Variants in PGR observed in about 807,000 individuals in gnomAD.
PGR encodes nuclear receptor subfamily 3 group C member 3.
Under a neutral mutation model 76.1 loss-of-function variants are expected in PGR, and 25 were observed. The ratio of observed to expected loss-of-function variants is 0.33; its 90% CI spans 0.24 to 0.46. The LOEUF is 0.46. PGR is among the 20% of genes least tolerant of loss of function. The pLI is 1.00. For missense variants in PGR, 1,172 were observed against 1,225.3 expected (o/e 0.96, Z 0.65); for synonymous variants, 579 against 535.0 (o/e 1.08, Z -1.14).
chr11:101,060,973 T>C (rs1012792321), intron 4 of PGR, among the ~76,000 whole-genome samples: 4 of 152,192 alleles, frequency 2.6e-5, no homozygotes, highest in African/African-American at 9.7e-5. Flanking sequence ...GTATAACTGG[T>C]TATTTTCTAA....
intron 5 of PGR, among the ~76,000 whole-genome samples, chr11:101,050,445 TG>T (rs1356499477): frequency 5.9e-5 from 9 of 152,232 alleles, no homozygotes; most frequent in East Asian, 5.8e-4. Flanking sequence ...TTATTTTCTA[TG>T]AAAAATTATA....
chr11:101,073,920 C>T (rs992525788), intron 3 of PGR, among the ~76,000 whole-genome samples: 2 of 152,106 alleles, frequency 1.3e-5, no homozygotes, highest in African/African-American at 4.8e-5. Flanking sequence ...GAGCTGGCAC[C>T]ATTCTTTCTA....
chr11:101,127,698 A>T lies in PGR; in HGVS notation c.1373T>A (p.Leu458Gln). Reference sequence around the variant, plus strand: ...CTCCGCTTTGTACAGGATGCACTCCAGGGTCGACCCCGAGGAGGACGCAGA... The same window carrying T: ...CTCCGCTTTGTACAGGATGCACTCCTGGGTCGACCCCGAGGAGGACGCAGA... ...VSSASSSGST[L>Q]ECILYKAEGA... Residue 458 changes from leucine (L) to glutamine (Q), a missense_variant, in exon 1 of 8, where the codon CTG becomes CAG. Physicochemically the swap from Leu to Gln is moderately radical, Grantham distance 113. Around this residue, in one of 4 missense-constraint regions of PGR, gnomAD observed 893 missense variants for 785.9 expected, o/e 1.14. Coordinates refer to ENST00000325455, the MANE Select transcript of PGR (RefSeq NM_000926.4). 6.3e-7 allele frequency: 1 copy of T among 1,582,904 alleles called. No individual in the cohort carries two copies.
At chr11:101,075,965 T>C (rs551850658) in intron 3 of PGR, among the ~76,000 whole-genome samples, 33 of 152,326 alleles carry the variant, frequency 2.2e-4, no homozygotes, top group African/African-American at 7.9e-4. Context: ...ATCCCGTTAC[T>C]GGGTATGTAC....
chr11:101,068,002 G>A (rs1473945629), intron 3 of PGR, among the ~76,000 whole-genome samples: 3 of 152,094 alleles, frequency 2.0e-5, no homozygotes, highest in Non-Finnish European at 2.9e-5. Context: ...GAAAGATAAA[G>A]AGGAATGTGA....
Position 101,127,544 on chromosome 11 carries a change from G to A in PGR, c.1527C>T (p.Pro509=), listed in dbSNP as rs1316436743. The change falls in exon 1 of 8, where the codon CCC becomes CCT. Residue 509 remains proline (P), a synonymous_variant. Transcript: ENST00000325455. ...TGAGGCCGAGTGCAGGGTAGAGCGC[G>A]GGGGCCGCCCCGGCGGCGGCGGCAG... ...SASAAAAGAA[P]ALYPALGLNG... The A allele has an allele frequency of 5.6e-6, 8 of 1,419,466 alleles. No homozygotes were observed. The highest frequency in any genetic ancestry group is 7.4e-6 in the Non-Finnish European group (8 of 1,085,282). 87.9% of individuals were successfully genotyped at this position (1,419,466 alleles called of 1,614,324 possible).
At chr11:101,059,863 A>AAAAAAG (rs1860429815) in intron 4 of PGR, among the ~76,000 whole-genome samples, 2 of 141,268 alleles carry the variant, frequency 1.4e-5, no homozygotes, top group Non-Finnish European at 1.6e-5. Flanking sequence ...AAAAAAAAAG[A>AAAAAAG]AAAAAAAGAA....
intron 2 of PGR, among the ~76,000 whole-genome samples, chr11:101,108,384 C>T (rs1405233089): frequency 6.6e-6 from 1 of 151,982 alleles, no homozygotes; most frequent in African/African-American, 2.4e-5. Context: ...AAAAAAATAT[C>T]TGGAGGTTGA....
In PGR at chr11:101,127,424, G is replaced by C. The variant is rs758674212; in HGVS notation, c.1637+10C>G. On this transcript the variant is annotated intron_variant, in intron 1 of 7. Transcript: ENST00000325455. ...GGACGCGCTGGGCGTGCCCCGTCCC[G>C]GGCCCTCACCTCAGGTAGTTGAGAT... 3 of 1,533,180 alleles carry C rather than the reference G, an allele frequency of 2.0e-6. No individual in the cohort carries two copies. The highest frequency in any genetic ancestry group is 2.4e-5 in the South Asian group (2 of 82,936). 95.0% of individuals were successfully genotyped at this position (1,533,180 alleles called of 1,614,324 possible).
At chr11:101,103,940 C>T (rs1247523030) in intron 2 of PGR, among the ~76,000 whole-genome samples, 1 of 152,200 alleles carries the variant, frequency 6.6e-6, no homozygotes, top group Non-Finnish European at 1.5e-5. Context: ...CATTTAACTT[C>T]TTGGCACTAC....
intron 2 of PGR, 62 bp downstream of exon 2, chr11:101,125,945 A>G: frequency 7.3e-7 from 1 of 1,361,320 alleles, no homozygotes; most frequent in Non-Finnish European, 1.1e-6. Context: ...AATCTATACA[A>G]TATTAGATGG....
chr11:101,116,800 C>T (rs1357001256), intron 2 of PGR, among the ~76,000 whole-genome samples: 1 of 150,476 alleles, frequency 6.6e-6, no homozygotes, highest in Non-Finnish European at 1.5e-5. Context: ...AGTCTCTCAT[C>T]CTGACAGTAA....
At chr11:101,059,866 A>G (rs577815310) in intron 4 of PGR, among the ~76,000 whole-genome samples, 2 of 151,322 alleles carry the variant, frequency 1.3e-5, no homozygotes, top group African/African-American at 4.9e-5. Flanking sequence ...AAAAAAGAAA[A>G]AAAAGAAAAG....
At chr11:101,112,634 G>C (rs1379550532) in intron 2 of PGR, among the ~76,000 whole-genome samples, 1 of 152,198 alleles carries the variant, frequency 6.6e-6, no homozygotes, top group East Asian at 1.9e-4. Flanking sequence ...AGCCATCCCA[G>C]AAGCCATGGA....
At position 101,128,750 on chromosome 11, in the gene PGR, G is replaced by T. The variant is rs147932536; in HGVS notation, c.321C>A (p.Asp107Glu). The change falls in exon 1 of 8, where the codon GAC (aspartate) becomes GAA (glutamate). Residue 107 changes from aspartate (D) to glutamate (E), a missense_variant. By Grantham distance (45) the Asp-to-Glu change is conservative. Around this residue, in one of 4 missense-constraint regions of PGR, gnomAD observed 893 missense variants for 785.9 expected, o/e 1.14. Transcript: ENST00000325455. ...CCAAGACACTGTCCAGCAGTCCGCT[G>T]TCCTTTTCTGGGGGACTAGAACTGC... ...GGSSSSPPEK[D>E]SGLLDSVLDT... 6.2e-7 allele frequency: 1 copy of T among 1,613,604 alleles called. No individual in the cohort carries two copies. The highest frequency in any genetic ancestry group is 8.5e-7 in the Non-Finnish European group (1 of 1,180,042).
intron 3 of PGR, among the ~76,000 whole-genome samples, chr11:101,087,339 C>G (rs1236781753): frequency 6.6e-6 from 1 of 152,094 alleles, no homozygotes; most frequent in African/African-American, 2.4e-5. Context: ...AGAAAGGATT[C>G]CTTATTCAAT....
chr11:101,077,815 T>C (rs1861175172), intron 3 of PGR, among the ~76,000 whole-genome samples: 2 of 152,180 alleles, frequency 1.3e-5, no homozygotes, highest in Non-Finnish European at 2.9e-5. Flanking sequence ...TGAGAGGTGC[T>C]GTCTCTGAGA....
At chr11:101,068,615 C>T (rs2135420375) in intron 3 of PGR, among the ~76,000 whole-genome samples, 1 of 152,276 alleles carries the variant, frequency 6.6e-6, no homozygotes, top group Admixed American at 6.5e-5. Context: ...TGACTTCAAA[C>T]TATACTTCAA....
intron 3 of PGR, among the ~76,000 whole-genome samples, chr11:101,071,872 G>A (rs1198641046): frequency 5.3e-5 from 8 of 152,036 alleles, no homozygotes; most frequent in Non-Finnish European, 1.2e-4. Flanking sequence ...TGAAAGTGAC[G>A]GGGAGAATGG....
Sources: allele counts gnomAD v4.1 joint callset (sites outside exome capture counted in the v4.1 genomes callset), GRCh38; gene constraint gnomAD v4.1.1; regional missense constraint gnomAD v4.1.1; transcripts MANE v1.5; gene names NCBI Gene and HGNC (gene_info 2026-07-23, HGNC 2026-07-21).